The following ADGRL2 variants were observed in gnomAD, a reference collection of about 807,000 sequenced individuals.
The protein encoded by ADGRL2 is calcium-independent alpha-latrotoxin receptor 2.
A neutral mutation model predicts 157.4 loss-of-function variants in ADGRL2; 44 were observed. The observed-to-expected ratio is 0.28, with a 90% CI of 0.22 to 0.36. The LOEUF (loss-of-function observed/expected upper bound fraction) is 0.36, where lower values mean the gene tolerates loss of function less well. Ranked by LOEUF, ADGRL2 falls within the 10% of genes least tolerant of loss-of-function variation. The probability of loss-of-function intolerance (pLI) is 1.00; values close to 1 mark genes in which losing one functional copy is unlikely to be tolerated. For synonymous variants in ADGRL2, 585 were observed against 624.7 expected, an observed-to-expected ratio of 0.94 and a Z score of 0.95; for missense variants, 1,510 against 1,768.9, an observed-to-expected ratio of 0.85 and a Z score of 2.63.
intron 2 of ADGRL2, among the ~76,000 whole-genome samples, chr1:81,453,457 A>G (rs768210542): frequency 6.6e-6 from 1 of 152,164 alleles, no homozygotes; most frequent in African/African-American, 2.4e-5. Flanking sequence ...CTGACCTTCC[A>G]TAACAGCAGC....
chr1:81,948,216 A>G (rs1016879421), intron 6 of ADGRL2, among the ~76,000 whole-genome samples: 45 of 60,970 alleles, frequency 7.4e-4, no homozygotes, highest in African/African-American at 2.3e-3. Flanking sequence ...ACTCCATCTC[A>G]AAAAAAAAAA....
intron 1 of ADGRL2, among the ~76,000 whole-genome samples, chr1:81,836,099 G>A (rs919207853): frequency 6.6e-6 from 1 of 152,010 alleles, no homozygotes; most frequent in Non-Finnish European, 1.5e-5. Flanking sequence ...TTTAGTGACA[G>A]CATCGAAATG....
At chr1:81,982,502 A>G (rs1043702870) in intron 19 of ADGRL2, among the ~76,000 whole-genome samples, 2 of 151,978 alleles carry the variant, frequency 1.3e-5, no homozygotes, top group African/African-American at 4.8e-5. Flanking sequence ...AAACTTACAG[A>G]TGAAAAGCTT....
chr1:81,398,670 A>G (rs1374682139), intron 1 of ADGRL2, among the ~76,000 whole-genome samples: 1 of 152,016 alleles, frequency 6.6e-6, no homozygotes, highest in Non-Finnish European at 1.5e-5. Flanking sequence ...CTTCTTTGTT[A>G]GCAGTTGGTT....
At chr1:81,533,144 C>T (rs780611545) in intron 2 of ADGRL2, among the ~76,000 whole-genome samples, 55 of 151,972 alleles carry the variant, frequency 3.6e-4, no homozygotes, top group Non-Finnish European at 7.6e-4. Flanking sequence ...TTTGGGAGGC[C>T]GAGGGGGGTG....
intron 11 of ADGRL2, among the ~76,000 whole-genome samples, chr1:81,957,379 A>G (rs1017461687): frequency 2.0e-5 from 3 of 152,160 alleles, no homozygotes; most frequent in Non-Finnish European, 4.4e-5. Flanking sequence ...CATTTTTTCT[A>G]GTACCTATGT....
intron 1 of ADGRL2, among the ~76,000 whole-genome samples, chr1:81,395,114 T>G (rs1249596810): frequency 1.3e-5 from 2 of 152,124 alleles, no homozygotes; most frequent in Non-Finnish European, 2.9e-5. Flanking sequence ...ATTCACCATG[T>G]TGGCCAGGCT....
chr1:81,934,152 G>A (rs1159039695), intron 3 of ADGRL2, among the ~76,000 whole-genome samples: 6 of 152,058 alleles, frequency 3.9e-5, no homozygotes, highest in Admixed American at 3.9e-4. Context: ...TTTGTGTAAT[G>A]TGATTATTTA....
At chr1:81,569,935 T>C (rs1169757346) in intron 2 of ADGRL2, among the ~76,000 whole-genome samples, 2 of 152,216 alleles carry the variant, frequency 1.3e-5, no homozygotes, top group Admixed American at 6.5e-5. Context: ...ACATGGGTAT[T>C]GGCAGGGTGC....
intron 1 of ADGRL2, among the ~76,000 whole-genome samples, chr1:81,723,231 G>A (rs922968785): frequency 5.3e-5 from 8 of 152,122 alleles, no homozygotes; most frequent in Non-Finnish European, 1.2e-4. Flanking sequence ...TGCAGCTGAA[G>A]CATTTTACAG....
At chr1:81,692,781 A>T (rs932052028) in intron 3 of ADGRL2, among the ~76,000 whole-genome samples, 4 of 152,208 alleles carry the variant, frequency 2.6e-5, no homozygotes, top group Non-Finnish European at 4.4e-5. Flanking sequence ...TTAATAAAAC[A>T]TTCAATTAGA....
chr1:81,786,414 C>G (rs2087049060), intron 2 of ADGRL2, among the ~76,000 whole-genome samples: 1 of 152,080 alleles, frequency 6.6e-6, no homozygotes, highest in South Asian at 2.1e-4. Flanking sequence ...CTTGTCTCTA[C>G]TAAAAACACA....
intron 3 of ADGRL2, among the ~76,000 whole-genome samples, chr1:81,916,236 C>T (rs1391143232): frequency 1.3e-5 from 2 of 152,042 alleles, no homozygotes; most frequent in Non-Finnish European, 2.9e-5. Context: ...AGACTATTTT[C>T]AGATACCCAT....
intron 1 of ADGRL2, among the ~76,000 whole-genome samples, chr1:81,702,902 A>C (rs2083619119): frequency 6.6e-6 from 1 of 152,190 alleles, no homozygotes; most frequent in South Asian, 2.1e-4. Flanking sequence ...AAGATAATAC[A>C]TTTGTAAAGA....
At chr1:81,368,640 T>A (rs1247457989) in intron 1 of ADGRL2, among the ~76,000 whole-genome samples, 3 of 152,196 alleles carry the variant, frequency 2.0e-5, no homozygotes, top group Non-Finnish European at 4.4e-5. Flanking sequence ...CAAAGCCCAG[T>A]ACCTTCCAAT....
At chr1:81,669,681 A>G (rs573257923) in intron 3 of ADGRL2, among the ~76,000 whole-genome samples, 26 of 152,184 alleles carry the variant, frequency 1.7e-4, no homozygotes, top group East Asian at 3.9e-4. Flanking sequence ...GGTGGTGCAC[A>G]CCTGTAATCC....
chr1:81,388,014 C>A (rs769983804), intron 1 of ADGRL2, among the ~76,000 whole-genome samples: 5 of 151,960 alleles, frequency 3.3e-5, no homozygotes, highest in Non-Finnish European at 4.4e-5. Context: ...TAAATCTGTT[C>A]ATTTTCTGAA....
intron 1 of ADGRL2, among the ~76,000 whole-genome samples, chr1:81,401,762 G>A (rs374408994): frequency 2.0e-5 from 3 of 152,156 alleles, no homozygotes; most frequent in East Asian, 1.9e-4. Flanking sequence ...ATGCCTGTTC[G>A]AACTCACTGT....
intron 1 of ADGRL2, among the ~76,000 whole-genome samples, chr1:81,321,560 A>G (rs2100622963): frequency 6.6e-6 from 1 of 152,294 alleles, no homozygotes; most frequent in Admixed American, 6.5e-5. Flanking sequence ...TTAGAAAATA[A>G]GGAGGCCTGG....
Sources: gnomAD v4.1 joint callset for allele counts (sites outside exome capture counted in the v4.1 genomes callset) on GRCh38, gnomAD v4.1.1 for gene constraint, MANE v1.5 for transcripts, NCBI Gene and HGNC (gene_info 2026-07-23, HGNC 2026-07-21) for gene names.